Variants in PC observed in about 807,000 individuals in gnomAD.
PC encodes the protein pyruvate carboxylase, also known as pyruvate carboxylase, mitochondrial.
A neutral mutation model predicts 107.8 loss-of-function variants in PC; 46 were observed. The observed-to-expected ratio is 0.43, with a 90% CI of 0.34 to 0.55. The LOEUF (loss-of-function observed/expected upper bound fraction) is 0.55, where lower values mean the gene tolerates loss of function less well. PC is among the 20% of genes least tolerant of loss of function. The probability of loss-of-function intolerance (pLI) is 0.04; values close to 1 mark genes in which losing one functional copy is unlikely to be tolerated. For synonymous variants in PC, 662 were observed against 684.7 expected, an observed-to-expected ratio of 0.97 and a Z score of 0.52; for missense variants, 1,241 against 1,643.1, an observed-to-expected ratio of 0.76 and a Z score of 4.23.
At chr11:66,855,200 C>A (rs1426798287) in intron 12 of PC, among the ~76,000 whole-genome samples, 1 of 152,240 alleles carries the variant, frequency 6.6e-6, no homozygotes, top group Non-Finnish European at 1.5e-5. Context: ...GGTTGCCCAT[C>A]CTCTCCTCCA....
chr11:66,873,466 T>TA (rs1946836560), intron 3 of PC, among the ~76,000 whole-genome samples: 2 of 83,280 alleles, frequency 2.4e-5, no homozygotes, highest in East Asian at 2.9e-4. Context: ...ATATATATTA[T>TA]ATATAATATA....
intron 3 of PC, among the ~76,000 whole-genome samples, chr11:66,943,755 C>CAAA (rs34245785): frequency 1.0e-3 from 18 of 17,582 alleles, no homozygotes; most frequent in Admixed American, 5.0e-3. Flanking sequence ...GACTCCGGCT[C>CAAA]AAAAAAAAAA....
chr11:66,872,951 C>T (rs1331581616), intron 3 of PC, among the ~76,000 whole-genome samples: 3 of 151,372 alleles, frequency 2.0e-5, no homozygotes, highest in African/African-American at 4.9e-5. Context: ...GCACGAGAAT[C>T]GCTTGAACCT....
rs186063169 is a variant in PC at position 66,866,540 on chromosome 11, C to T, written c.1023-191G>A. Reference sequence around the variant, plus strand: ...CCACCAGCCCCTGCCCTGCTCCCGCCGGGAGCCGACTAAACTACACAGTGC... The same window carrying T: ...CCACCAGCCCCTGCCCTGCTCCCGCTGGGAGCCGACTAAACTACACAGTGC... On this transcript the variant is annotated intron_variant, in intron 10 of 22. Transcript: ENST00000393960. The surrounding 1 kb of genome is among the most constrained non-coding windows in gnomAD (Gnocchi z 5.4). Among the ~76,000 whole-genome samples the T allele has an allele frequency of 3.7e-4, 56 of 152,258 alleles. No homozygotes were observed. The highest frequency in any genetic ancestry group is 1.3e-3 in the African/African-American group (54 of 41,556).
chr11:66,873,455 A>T (rs1246942035), intron 3 of PC, among the ~76,000 whole-genome samples: 9 of 81,776 alleles, frequency 1.1e-4, no homozygotes, highest in South Asian at 5.1e-4. Context: ...TTATATATAA[A>T]ATATATATTA....
At chr11:66,902,650 A>G (rs1948002201) in intron 3 of PC, among the ~76,000 whole-genome samples, 1 of 152,010 alleles carries the variant, frequency 6.6e-6, no homozygotes, top group Non-Finnish European at 1.5e-5. Context: ...TGCCAACCTC[A>G]GCCACTCTCC....
intron 3 of PC, among the ~76,000 whole-genome samples, chr11:66,888,935 G>A (rs1398441844): frequency 3.3e-5 from 5 of 151,996 alleles, no homozygotes; most frequent in Non-Finnish European, 5.9e-5. Flanking sequence ...TTAGCCGGGC[G>A]TGGTGGTGCA....
intron 3 of PC, among the ~76,000 whole-genome samples, chr11:66,881,553 C>T (rs1284740427): frequency 6.6e-6 from 1 of 152,258 alleles, no homozygotes; most frequent in Non-Finnish European, 1.5e-5. Flanking sequence ...CGTCACCTGC[C>T]CCGCTCCTGA....
intron 3 of PC, among the ~76,000 whole-genome samples, chr11:66,913,923 T>C (rs532587774): frequency 6.6e-6 from 1 of 152,028 alleles, no homozygotes; most frequent in African/African-American, 2.4e-5. Context: ...AGGGGCCACA[T>C]GTGCCCAGGC....
At chr11:66,892,574 C>T (rs184575926) in intron 3 of PC, among the ~76,000 whole-genome samples, 9 of 152,258 alleles carry the variant, frequency 5.9e-5, no homozygotes, top group Admixed American at 5.2e-4. Context: ...TCGCCGGGCG[C>T]GGTGGCTCAC....
At chr11:66,946,492 C>T (rs111543793) in intron 3 of PC, among the ~76,000 whole-genome samples, 20 of 152,106 alleles carry the variant, frequency 1.3e-4, no homozygotes, top group Non-Finnish European at 2.2e-4. Flanking sequence ...AGCTGGGCCA[C>T]GCCTGTAATC....
chr11:66,858,950 G>A lies in PC; in HGVS notation c.1368+4824C>T, dbSNP rs199906653. 3.4e-5 allele frequency: 53 copies of A among 1,577,516 alleles called. No individual in the cohort carries two copies. Among genetic ancestry groups the A allele is most frequent in the Middle Eastern group, 3.4e-4 (2 of 5,884 alleles). On this transcript the variant is annotated intron_variant, in intron 12 of 22. Coordinates refer to ENST00000393960, the MANE Select transcript of PC (RefSeq NM_001040716.2). This position sits in a 1 kb window ranked among gnomAD's most constrained non-coding sequence, Gnocchi z 5.9. The stretch of plus-strand genomic sequence containing the variant: ...GCACTGCTGCCGAGGGTGAGGGGAC[G>A]CTGGAGTCTGAGCCAGCCGTGCAGG...
At chr11:66,928,909 G>A (rs1010573273) in intron 3 of PC, among the ~76,000 whole-genome samples, 21 of 152,144 alleles carry the variant, frequency 1.4e-4, no homozygotes, top group African/African-American at 4.8e-4. Context: ...ACATGAAAGT[G>A]GGAATCTGCA....
chr11:66,895,102 G>A (rs751926645), intron 3 of PC, among the ~76,000 whole-genome samples: 2 of 151,978 alleles, frequency 1.3e-5, no homozygotes, highest in African/African-American at 2.4e-5. Context: ...CTCCAGCCCT[G>A]GAAGAACAGA....
At chr11:66,865,225 A>G (rs1264462762) in intron 11 of PC, among the ~76,000 whole-genome samples, 3 of 152,154 alleles carry the variant, frequency 2.0e-5, no homozygotes, top group Non-Finnish European at 4.4e-5. Context: ...CCCTACCCCC[A>G]GCCTCCCCAG....
intron 3 of PC, among the ~76,000 whole-genome samples, chr11:66,905,410 G>A (rs1417211849): frequency 5.3e-5 from 8 of 152,098 alleles, no homozygotes; most frequent in African/African-American, 1.9e-4. Context: ...CTCTGTTCAG[G>A]GTCAGGGGCC....
At chr11:66,925,683 G>A (rs1368883837) in intron 3 of PC, among the ~76,000 whole-genome samples, 6 of 152,128 alleles carry the variant, frequency 3.9e-5, no homozygotes, top group African/African-American at 1.4e-4. Context: ...TGATAAGATT[G>A]AAAGATTAAA....
At chr11:66,903,680 G>A (rs1431940941) in intron 3 of PC, among the ~76,000 whole-genome samples, 3 of 140,730 alleles carry the variant, frequency 2.1e-5, no homozygotes, top group Admixed American at 7.2e-5. Flanking sequence ...CCTGGGAGGC[G>A]GAGGTTGCAG....
At chr11:66,915,558 T>G in intron 3 of PC, among the ~76,000 whole-genome samples, 1 of 152,184 alleles carries the variant, frequency 6.6e-6, no homozygotes. Flanking sequence ...CCCCTGGAGC[T>G]GAGGGCCAGC....
Sources: allele counts gnomAD v4.1 joint callset (sites outside exome capture counted in the v4.1 genomes callset), GRCh38; gene constraint gnomAD v4.1.1; non-coding constraint Gnocchi (gnomAD v3.1); transcripts MANE v1.5; gene names NCBI Gene and HGNC (gene_info 2026-07-23, HGNC 2026-07-21).